Variants in MYOF observed in about 807,000 individuals in gnomAD.
MYOF encodes the protein fer-1-like 3, myoferlin.
A neutral mutation model predicts 284.2 loss-of-function variants in MYOF; 244 were observed. The ratio of observed to expected loss-of-function variants is 0.86; its 90% CI spans 0.77 to 0.95. MYOF has a LOEUF of 0.95. Ranked by LOEUF, MYOF falls within the 40% of genes least tolerant of loss-of-function variation. The pLI is 0.00. For missense variants in MYOF, 2,496 were observed against 2,560.6 expected, an observed-to-expected ratio of 0.97 and a Z score of 0.54; for synonymous variants, 904 against 919.7, an observed-to-expected ratio of 0.98 and a Z score of 0.31.
At chr10:93,343,723 A>G in intron 38 of MYOF, 133 bp downstream of exon 38, 2 of 862,252 alleles carry the variant, frequency 2.3e-6, no homozygotes. Flanking sequence ...GTCTGTACTC[A>G]GTCCTCAATA....
In MYOF at chr10:93,343,851, C is replaced by T. The variant is rs1472441202; in HGVS notation, c.4326+5G>A. The T allele has an allele frequency of 1.2e-6, 2 of 1,614,126 alleles. No homozygotes were observed. The highest frequency in any genetic ancestry group is 8.5e-7 in the Non-Finnish European group (1 of 1,179,962). On this transcript the variant is annotated splice_donor_5th_base_variant and intron_variant, in intron 38 of 53. Transcript: ENST00000359263. ...CAGCATCCACTGATCAGCTCTGAAG[C>T]CTACCTTAGAAGCCAGTAATGGTTT... is the stretch of plus-strand genomic sequence containing the variant.
intron 22 of MYOF, among the ~76,000 whole-genome samples, chr10:93,376,715 C>A (rs761369444): frequency 6.6e-6 from 1 of 152,126 alleles, no homozygotes; most frequent in Non-Finnish European, 1.5e-5. Flanking sequence ...GAGTTTGGAA[C>A]GAATCACTTC....
intron 38 of MYOF, 35 bp from the exon 39 acceptor site, chr10:93,340,199 A>G (rs1192339174): frequency 6.2e-7 from 1 of 1,613,248 alleles, no homozygotes; most frequent in Non-Finnish European, 8.5e-7. Context: ...GAAGAGGGCA[A>G]ACCATATAAC....
chr10:93,435,355 A>C (rs538517602), intron 3 of MYOF, among the ~76,000 whole-genome samples: 1 of 152,328 alleles, frequency 6.6e-6, no homozygotes, highest in Admixed American at 6.5e-5. Context: ...TGAACCCGTT[A>C]ATTATTTTTA....
chr10:93,379,873 G>T lies in MYOF; in HGVS notation c.1991C>A (p.Ala664Glu). The T allele has an allele frequency of 6.2e-7, 1 of 1,613,780 alleles. No individual in the cohort carries two copies. The highest frequency in any genetic ancestry group is 8.5e-7 in the Non-Finnish European group (1 of 1,179,744). Residue 664 changes from alanine to glutamate, a missense_variant, in exon 21 of 54, where the codon GCA (alanine) becomes GAA (glutamate). Ala to Glu is a moderately radical substitution (Grantham distance 107). Coordinates refer to ENST00000359263, the MANE Select transcript of MYOF (RefSeq NM_013451.4). ...LDAVNTLLAM[A>E]ERLQTNIEAL... ...AAAAGAGAAACTTACCAGCCGTTCT[G>T]CCATAGCTAGGAGAGTGTTCACCGC... is the stretch of plus-strand genomic sequence containing the variant.
chr10:93,402,850 C>T lies in MYOF; in HGVS notation c.874+10G>A. On this transcript the variant is annotated intron_variant, in intron 10 of 53. Transcript: ENST00000359263. ...TAAGACTTCATATTGATGGGGAGAA[C>T]ATTACTTACCAGGTTCATCATAAAC... 1 of 1,608,114 alleles carries T rather than the reference C, an allele frequency of 6.2e-7. No homozygotes were observed. Among genetic ancestry groups the T allele is most frequent in the South Asian group, 1.1e-5 (1 of 90,834 alleles).
At chr10:93,428,045 T>C (rs1848672578) in intron 4 of MYOF, among the ~76,000 whole-genome samples, 1 of 151,928 alleles carries the variant, frequency 6.6e-6, no homozygotes, top group Non-Finnish European at 1.5e-5. Context: ...AACCTCAGAA[T>C]AAAGGGAGTC....
intron 5 of MYOF, among the ~76,000 whole-genome samples, chr10:93,424,460 T>C (rs1848494154): frequency 1.3e-5 from 2 of 152,280 alleles, no homozygotes; most frequent in East Asian, 3.9e-4. Context: ...TTTGTTTGTT[T>C]TTTTTTGTCA....
At chr10:93,358,476 T>C (rs1050410424) in intron 29 of MYOF, among the ~76,000 whole-genome samples, 1 of 152,130 alleles carries the variant, frequency 6.6e-6, no homozygotes, top group African/African-American at 2.4e-5. Flanking sequence ...TATAAACCAT[T>C]CTATTATAAA....
rs531812515 is a variant in MYOF at position 93,419,202 on chromosome 10, G to T, written c.433+6869C>A. Among the ~76,000 whole-genome samples the T allele has an allele frequency of 3.3e-5, 5 of 150,548 alleles. No individual in the cohort carries two copies. The South Asian group carries it at 1.1e-3, about 32-fold the overall frequency. ...TTTTGAGACGGAGTATTGTTCTATC[G>T]CCCAGGCTAGAGTGCCATGGCGCAA... On this transcript the variant is annotated intron_variant, in intron 5 of 53. Transcript: ENST00000359263.
At chr10:93,464,824 A>C (rs1231678342) in intron 1 of MYOF, among the ~76,000 whole-genome samples, 1 of 152,176 alleles carries the variant, frequency 6.6e-6, no homozygotes, top group Non-Finnish European at 1.5e-5. Context: ...GGTAGACAAA[A>C]TAGAACAACA....
intron 5 of MYOF, 38 bp downstream of exon 5, chr10:93,426,033 C>G: frequency 1.3e-6 from 2 of 1,539,816 alleles, no homozygotes; most frequent in South Asian, 1.2e-5. Flanking sequence ...AGCAGCCTCC[C>G]CCTGGGGGTG....
chr10:93,473,997 G>A (rs1158086699), intron 1 of MYOF, among the ~76,000 whole-genome samples: 2 of 152,086 alleles, frequency 1.3e-5, no homozygotes, highest in East Asian at 1.9e-4. Flanking sequence ...CCCTGCACTC[G>A]CCCACAGGGT....
At chr10:93,423,677 C>CA (rs781309242) in intron 5 of MYOF, among the ~76,000 whole-genome samples, 73 of 150,192 alleles carry the variant, frequency 4.9e-4, no homozygotes, top group Non-Finnish European at 8.9e-4. Context: ...TCTAAAAATA[C>CA]AAAAAATTAG....
At chr10:93,315,309 G>A (rs545703996) in intron 50 of MYOF, among the ~76,000 whole-genome samples, 1 of 152,310 alleles carries the variant, frequency 6.6e-6, no homozygotes, top group South Asian at 2.1e-4. Flanking sequence ...CATGTGGCTA[G>A]CAGAAAGTGA....
intron 49 of MYOF, among the ~76,000 whole-genome samples, chr10:93,317,145 G>A (rs1806966999): frequency 7.3e-6 from 1 of 137,318 alleles, no homozygotes; most frequent in African/African-American, 2.7e-5. Flanking sequence ...TCCTCCTAAG[G>A]CCAGGCATTC....
chr10:93,426,271 G>A, intron 4 of MYOF, 113 bp from the exon 5 acceptor site: 3 of 1,031,124 alleles, frequency 2.9e-6, no homozygotes, highest in Non-Finnish European at 4.2e-6. Context: ...TAAGAGAGAG[G>A]GAGTAGGTAA....
chr10:93,362,696 C>T (rs972793515), intron 27 of MYOF, among the ~76,000 whole-genome samples: 5 of 151,912 alleles, frequency 3.3e-5, no homozygotes, highest in Non-Finnish European at 4.4e-5. Context: ...GAAATAAAGG[C>T]GGCCCATAAA....
intron 5 of MYOF, among the ~76,000 whole-genome samples, chr10:93,413,636 A>C (rs1179959111): frequency 6.6e-6 from 1 of 152,216 alleles, no homozygotes; most frequent in Non-Finnish European, 1.5e-5. Flanking sequence ...TGCTGGTTGT[A>C]TTAGCTTCTG....
Sources: gnomAD v4.1 joint callset for allele counts (sites outside exome capture counted in the v4.1 genomes callset) on GRCh38, gnomAD v4.1.1 for gene constraint, MANE v1.5 for transcripts, NCBI Gene and HGNC (gene_info 2026-07-23, HGNC 2026-07-21) for gene names.